The following NEK11 variants were observed in gnomAD, a reference collection of about 807,000 sequenced individuals.
NEK11 encodes the protein NIMA related kinase 11, also known as serine/threonine-protein kinase Nek11.
In NEK11, 72 loss-of-function variants were observed where a neutral mutation model predicts 80.7. The ratio of observed to expected loss-of-function variants is 0.89; its 90% CI spans 0.74 to 1.08. The LOEUF (loss-of-function observed/expected upper bound fraction) is 1.08. Ranked by LOEUF, NEK11 falls within the 50% of genes least tolerant of loss-of-function variation. The pLI, the probability that NEK11 is intolerant of heterozygous loss-of-function variation, is 0.00. For missense variants in NEK11, 764 were observed against 763.6 expected, an observed-to-expected ratio of 1.00 and a Z score of -0.01; for synonymous variants, 251 against 260.7, an observed-to-expected ratio of 0.96 and a Z score of 0.36.
At chr3:131,117,624 A>G (rs1166184791) in intron 5 of NEK11, among the ~76,000 whole-genome samples, 1 of 152,038 alleles carries the variant, frequency 6.6e-6, no homozygotes, top group African/African-American at 2.4e-5. Flanking sequence ...ATGTTCTTCC[A>G]TTTCTTTGTG....
chr3:131,286,947 A>G (rs1288308130), intron 17 of NEK11, among the ~76,000 whole-genome samples: 3 of 152,198 alleles, frequency 2.0e-5, no homozygotes, highest in Non-Finnish European at 4.4e-5. Context: ...TGCAACATGA[A>G]TGCACAAACA....
chr3:131,152,108 G>A (rs1337874566), intron 7 of NEK11, among the ~76,000 whole-genome samples: 3 of 151,912 alleles, frequency 2.0e-5, no homozygotes, highest in Admixed American at 2.0e-4. Flanking sequence ...TTCTTACTAT[G>A]TGCAGGCATA....
At chr3:131,163,189 A>G (rs2091848880) in intron 11 of NEK11, among the ~76,000 whole-genome samples, 1 of 152,224 alleles carries the variant, frequency 6.6e-6, no homozygotes, top group Non-Finnish European at 1.5e-5. Context: ...GATTCCTCTA[A>G]ACATTAAAAA....
chr3:131,310,199 A>G (rs1158488233), intron 17 of NEK11, among the ~76,000 whole-genome samples: 1 of 152,088 alleles, frequency 6.6e-6, no homozygotes, highest in African/African-American at 2.4e-5. Context: ...GAGGTCATAA[A>G]AAGTATTTAT....
intron 4 of NEK11, among the ~76,000 whole-genome samples, chr3:131,106,414 C>A (rs1200974916): frequency 6.6e-6 from 1 of 151,814 alleles, no homozygotes; most frequent in Non-Finnish European, 1.5e-5. Context: ...GCTTGAAATG[C>A]TCATAAAGAT....
At chr3:131,039,358 C>A (rs1340113516) in intron 3 of NEK11, among the ~76,000 whole-genome samples, 3 of 152,318 alleles carry the variant, frequency 2.0e-5, no homozygotes, top group Middle Eastern at 3.4e-3. Context: ...AAGCACAACA[C>A]CCTCAAGTAT....
intron 14 of NEK11, among the ~76,000 whole-genome samples, chr3:131,215,435 A>AT (rs2094801054): frequency 6.7e-6 from 1 of 148,372 alleles, no homozygotes; most frequent in Non-Finnish European, 1.5e-5. Flanking sequence ...AAAAATATAT[A>AT]AAAAAAAAAG....
intron 15 of NEK11, among the ~76,000 whole-genome samples, chr3:131,237,616 T>A (rs1453636557): frequency 6.6e-6 from 1 of 152,126 alleles, no homozygotes; most frequent in African/African-American, 2.4e-5. Flanking sequence ...CTAATAGACA[T>A]CCTGAAATAA....
At chr3:131,279,937 G>T (rs1181944126) in intron 17 of NEK11, among the ~76,000 whole-genome samples, 3 of 152,146 alleles carry the variant, frequency 2.0e-5, no homozygotes, top group East Asian at 3.9e-4. Flanking sequence ...AAATTTTGAG[G>T]CTGAACTGCT....
At chr3:131,059,315 G>A (rs2070341970) in intron 3 of NEK11, among the ~76,000 whole-genome samples, 1 of 152,188 alleles carries the variant, frequency 6.6e-6, no homozygotes, top group South Asian at 2.1e-4. Flanking sequence ...AAGTGTGCAG[G>A]TTTTTTGGTA....
At position 131,350,067 on chromosome 3, in the gene NEK11, G is replaced by C. The variant is rs929394069; in HGVS notation, c.*291G>C. Reference sequence around the variant, plus strand: ...CGCCCTCAGGGCTTCCAGCAGGATTGAGTCACCCTGACGATGACCGGGGAG... The same window carrying C: ...CGCCCTCAGGGCTTCCAGCAGGATTCAGTCACCCTGACGATGACCGGGGAG... On this transcript the variant is annotated 3_prime_UTR_variant, in exon 18 of 18. Transcript: ENST00000383366. 8.7e-6 allele frequency: 3 copies of C among 345,754 alleles called. No homozygotes were observed. The highest frequency in any genetic ancestry group is 6.4e-5 in the African/African-American group (3 of 46,908). The allele number at this position is 345,754 out of a possible 1,614,324, so 21.4% of individuals were successfully genotyped here.
chr3:131,283,575 T>C (rs563982793), intron 17 of NEK11, among the ~76,000 whole-genome samples: 38 of 152,234 alleles, frequency 2.5e-4, no homozygotes, highest in Admixed American at 9.8e-4. Flanking sequence ...TATTTTACTA[T>C]TTCAAGATTT....
At chr3:131,194,759 G>C (rs1006347084) in intron 14 of NEK11, among the ~76,000 whole-genome samples, 2 of 152,048 alleles carry the variant, frequency 1.3e-5, no homozygotes, top group East Asian at 1.9e-4. Flanking sequence ...TCATCCTACC[G>C]ATCATGCAAC....
chr3:131,281,965 C>T (rs942009064), intron 17 of NEK11, among the ~76,000 whole-genome samples: 7 of 152,198 alleles, frequency 4.6e-5, no homozygotes, highest in Admixed American at 6.5e-5. Context: ...AATGTCCCCA[C>T]ATCTAAATTT....
chr3:131,026,999 A>T lies in NEK11; in HGVS notation c.-177A>T, dbSNP rs1242494260. On this transcript the variant is annotated 5_prime_UTR_variant, in exon 1 of 18. Coordinates refer to ENST00000383366, the MANE Select transcript of NEK11 (RefSeq NM_024800.5). Reference sequence around the variant, plus strand: ...CCCCGGGCGCCGCTCCGACCACGACAGGGAAAGGTAAAGCGAACTGTCCTC... The same window carrying T: ...CCCCGGGCGCCGCTCCGACCACGACTGGGAAAGGTAAAGCGAACTGTCCTC... 2 of 152,252 alleles carry T rather than the reference A, an allele frequency of 1.3e-5. No homozygotes were observed. The highest frequency in any genetic ancestry group is 2.9e-5 in the Non-Finnish European group (2 of 68,132). The allele number at this position is 152,252 out of a possible 1,614,324, so 9.4% of individuals were successfully genotyped here.
At chr3:131,160,876 A>C (rs1011397297) in intron 10 of NEK11, among the ~76,000 whole-genome samples, 3 of 152,238 alleles carry the variant, frequency 2.0e-5, no homozygotes, top group Non-Finnish European at 4.4e-5. Context: ...AGATCTAACT[A>C]TCCGAAATAT....
intron 4 of NEK11, among the ~76,000 whole-genome samples, chr3:131,091,806 T>G (rs2076769753): frequency 6.6e-6 from 1 of 152,192 alleles, no homozygotes; most frequent in South Asian, 2.1e-4. Flanking sequence ...CAAAAAAAAT[T>G]TCTTGAATTG....
At chr3:131,213,191 C>CCACACACACACACA (rs3050805) in intron 14 of NEK11, among the ~76,000 whole-genome samples, 2 of 149,006 alleles carry the variant, frequency 1.3e-5, no homozygotes, top group African/African-American at 4.9e-5. Context: ...CCACCCATCT[C>CCACACACACACACA]CACACACACA....
intron 3 of NEK11, among the ~76,000 whole-genome samples, chr3:131,061,069 C>T (rs957262721): frequency 2.5e-4 from 38 of 152,112 alleles, no homozygotes; most frequent in Admixed American, 1.9e-3. Flanking sequence ...CCTACAGCTC[C>T]GAGAACTCAG....
Sources: gnomAD v4.1 joint callset for allele counts (sites outside exome capture counted in the v4.1 genomes callset) on GRCh38, gnomAD v4.1.1 for gene constraint, MANE v1.5 for transcripts, NCBI Gene and HGNC (gene_info 2026-07-23, HGNC 2026-07-21) for gene names.